NFIA: variants seen among roughly 807,000 people sequenced by gnomAD.
The protein encoded by NFIA is nuclear factor I A, also known as nuclear factor 1 A-type.
Under a neutral mutation model 62.8 loss-of-function variants are expected in NFIA, and 8 were observed. The observed-to-expected ratio is 0.13, with a 90% CI of 0.07 to 0.23. The LOEUF (loss-of-function observed/expected upper bound fraction) is 0.23, where lower values mean the gene tolerates loss of function less well. Ranked by LOEUF, NFIA falls within the 10% of genes least tolerant of loss-of-function variation. The pLI is 1.00. For synonymous variants in NFIA, 235 were observed against 238.1 expected (o/e 0.99, Z 0.12); for missense variants, 410 against 642.1 (o/e 0.64, Z 3.91).
At chr1:61,368,250 C>T (rs1486643075) in intron 6 of NFIA, among the ~76,000 whole-genome samples, 2 of 152,150 alleles carry the variant, frequency 1.3e-5, no homozygotes, top group African/African-American at 4.8e-5. Flanking sequence ...ATGTGAAATC[C>T]TCCTCCCTGT....
intron 10 of NFIA, among the ~76,000 whole-genome samples, chr1:61,439,050 A>G (rs1248316746): frequency 1.3e-5 from 2 of 150,268 alleles, no homozygotes; most frequent in Admixed American, 6.6e-5. Context: ...CCTGCTACAT[A>G]TGCGTCCATC....
intron 2 of NFIA, among the ~76,000 whole-genome samples, chr1:61,218,801 TTTTA>T (rs1653815979): frequency 6.6e-6 from 1 of 152,232 alleles, no homozygotes; most frequent in South Asian, 2.1e-4. Flanking sequence ...GTTTGCAAGT[TTTTA>T]TTATTATAAT....
chr1:61,429,453 T>C (rs1449586787), intron 10 of NFIA, among the ~76,000 whole-genome samples: 1 of 152,232 alleles, frequency 6.6e-6, no homozygotes, highest in South Asian at 2.1e-4. Flanking sequence ...TATGAGCTGG[T>C]GAGCTCTTTT....
intron 3 of NFIA, among the ~76,000 whole-genome samples, chr1:61,297,205 T>C (rs1468068454): frequency 1.3e-5 from 2 of 152,222 alleles, no homozygotes; most frequent in Admixed American, 1.3e-4. Context: ...CTTTTCAAGA[T>C]GTTTTCATTA....
chr1:61,117,831 C>A (rs1023821030), intron 2 of NFIA, among the ~76,000 whole-genome samples: 1 of 152,060 alleles, frequency 6.6e-6, no homozygotes, highest in Non-Finnish European at 1.5e-5. Flanking sequence ...TCTATAATCT[C>A]GTGATAAAAG....
chr1:61,092,767 A>G (rs1308296145), intron 2 of NFIA, among the ~76,000 whole-genome samples: 1 of 152,210 alleles, frequency 6.6e-6, no homozygotes, highest in East Asian at 1.9e-4. Flanking sequence ...ATATAGTAAT[A>G]GAGAAAGCCG....
At chr1:61,436,883 C>A (rs1367666691) in intron 10 of NFIA, among the ~76,000 whole-genome samples, 1 of 152,172 alleles carries the variant, frequency 6.6e-6, no homozygotes. Flanking sequence ...TTTCACTTTC[C>A]AAACGCTTTA....
chr1:61,371,380 A>C (rs1169229242), intron 6 of NFIA, among the ~76,000 whole-genome samples: 1 of 152,082 alleles, frequency 6.6e-6, no homozygotes, highest in Non-Finnish European at 1.5e-5. Context: ...AAAAGACTTA[A>C]CTAGCAATTT....
At chr1:61,453,957 G>A (rs576107609) in intron 10 of NFIA, among the ~76,000 whole-genome samples, 147 of 152,212 alleles carry the variant, frequency 9.7e-4, no homozygotes, top group African/African-American at 3.2e-3. Context: ...GTAGTTTTTC[G>A]GTCTGGGCTT....
At chr1:61,119,482 T>G (rs1646851614) in intron 2 of NFIA, among the ~76,000 whole-genome samples, 1 of 152,328 alleles carries the variant, frequency 6.6e-6, no homozygotes, top group South Asian at 2.1e-4. Context: ...AAATGTAAGC[T>G]AAGGATGCAT....
At chr1:61,170,563 ACTGT>A in intron 2 of NFIA, among the ~76,000 whole-genome samples, 1 of 152,100 alleles carries the variant, frequency 6.6e-6, no homozygotes, top group East Asian at 1.9e-4. Flanking sequence ...GATGCTTAGG[ACTGT>A]AACCAAACTT....
intron 2 of NFIA, among the ~76,000 whole-genome samples, chr1:61,191,179 C>G (rs1377641678): frequency 1.3e-5 from 2 of 151,918 alleles, no homozygotes; most frequent in Non-Finnish European, 2.9e-5. Context: ...TAGACCAAAC[C>G]ATTAAGAGAT....
chr1:61,080,038 C>G (rs1344236287), upstream of NFIA, among the ~76,000 whole-genome samples: 1 of 151,940 alleles, frequency 6.6e-6, no homozygotes, highest in Non-Finnish European at 1.5e-5. Context: ...GGGGAGGGAG[C>G]GGGAGCTGGC....
chr1:61,202,533 A>G (rs763682941), intron 2 of NFIA, among the ~76,000 whole-genome samples: 1 of 152,224 alleles, frequency 6.6e-6, no homozygotes, highest in Admixed American at 6.5e-5. Flanking sequence ...AGGATGATAC[A>G]TACCAGGTCT....
chr1:61,111,314 C>T (rs909744986), intron 2 of NFIA, among the ~76,000 whole-genome samples: 2 of 152,140 alleles, frequency 1.3e-5, no homozygotes, highest in Admixed American at 6.5e-5. Context: ...TTATTCTGTA[C>T]TGAGCACTCA....
intron 2 of NFIA, among the ~76,000 whole-genome samples, chr1:61,101,985 A>C (rs1474433089): frequency 1.3e-5 from 2 of 152,202 alleles, no homozygotes; most frequent in Admixed American, 6.5e-5. Flanking sequence ...ATTCTCTGTT[A>C]TATCTGCTGG....
chr1:61,183,346 T>C (rs945164171), intron 2 of NFIA, among the ~76,000 whole-genome samples: 2 of 152,168 alleles, frequency 1.3e-5, no homozygotes, highest in East Asian at 3.8e-4. Flanking sequence ...TCTAGGTAGT[T>C]TCAAGGAGCA....
intron 2 of NFIA, among the ~76,000 whole-genome samples, chr1:61,264,654 A>G (rs1467933682): frequency 6.2e-5 from 3 of 48,518 alleles, no homozygotes; most frequent in African/African-American, 3.7e-4. Context: ...TCCACCTTAC[A>G]AAAAAAAAAA....
At chr1:61,145,828 C>G (rs924525426) in intron 2 of NFIA, among the ~76,000 whole-genome samples, 1 of 152,192 alleles carries the variant, frequency 6.6e-6, no homozygotes, top group African/African-American at 2.4e-5. Context: ...CACATTTTCT[C>G]TCTTCTCTGA....
Sources: allele counts gnomAD v4.1 joint callset (sites outside exome capture counted in the v4.1 genomes callset), GRCh38; gene constraint gnomAD v4.1.1; transcripts MANE v1.5; gene names NCBI Gene and HGNC (gene_info 2026-07-23, HGNC 2026-07-21).